The following ITPK1 variants were observed in gnomAD, a reference collection of about 807,000 sequenced individuals.
ITPK1 encodes the protein inositol-tetrakisphosphate 1-kinase.
Under a neutral mutation model 45.3 loss-of-function variants are expected in ITPK1, and 21 were observed. That is an observed-to-expected ratio of 0.46 (90% CI 0.33 to 0.67). The LOEUF (loss-of-function observed/expected upper bound fraction) is 0.67, where lower values mean the gene tolerates loss of function less well. Among genes scored for constraint, ITPK1 ranks in the 30% least tolerant of loss-of-function variants. The pLI, the probability that ITPK1 is intolerant of heterozygous loss-of-function variation, is 0.02. For missense variants in ITPK1, 474 were observed against 573.5 expected, an observed-to-expected ratio of 0.83 and a Z score of 1.77; for synonymous variants, 258 against 253.6, an observed-to-expected ratio of 1.02 and a Z score of -0.16.
Position 93,063,636 on chromosome 14 carries a change from G to A in ITPK1, c.120+12959C>T, listed in dbSNP as rs1329628012. On this transcript the variant is annotated intron_variant, in intron 3 of 10. Coordinates refer to ENST00000267615, the MANE Select transcript of ITPK1 (RefSeq NM_014216.6). The surrounding 1 kb of genome is among the most constrained non-coding windows in gnomAD (Gnocchi z 4.3). ...GCACAGCCTTGGAGGGATGGAGCTG[G>A]AACTAGGGAGGAGTCACTGGACTCT... is the stretch of plus-strand genomic sequence containing the variant. 6.6e-6 allele frequency among the ~76,000 whole-genome samples: 1 copy of A among 152,174 alleles called. No homozygotes were observed. Among genetic ancestry groups the A allele is most frequent in the African/African-American group, 2.4e-5 (1 of 41,460 alleles).
At chr14:92,973,143 C>A (rs977358961) in intron 5 of ITPK1, among the ~76,000 whole-genome samples, 1 of 152,246 alleles carries the variant, frequency 6.6e-6, no homozygotes, top group Admixed American at 6.5e-5. Flanking sequence ...TTTTCTGGCA[C>A]TGCTACCGAG....
intron 4 of ITPK1, among the ~76,000 whole-genome samples, chr14:92,995,054 C>CCCA (rs910501902): frequency 6.6e-5 from 10 of 152,082 alleles, no homozygotes; most frequent in African/African-American, 2.4e-4. Context: ...GTGGAAGGTG[C>CCCA]CCACCACCAC....
chr14:92,957,415 G>A (rs562647558), intron 8 of ITPK1, among the ~76,000 whole-genome samples: 16 of 152,288 alleles, frequency 1.1e-4, no homozygotes, highest in Admixed American at 3.3e-4. Flanking sequence ...ACATCCTTTC[G>A]AGCAGCTCCA....
chr14:93,008,319 A>G (rs1887720286), intron 4 of ITPK1, among the ~76,000 whole-genome samples: 3 of 152,230 alleles, frequency 2.0e-5, no homozygotes, highest in African/African-American at 7.2e-5. Flanking sequence ...ACTCACACTC[A>G]GATACAGCTC....
At chr14:93,030,048 C>T (rs1198581556) in intron 3 of ITPK1, among the ~76,000 whole-genome samples, 1 of 152,246 alleles carries the variant, frequency 6.6e-6, no homozygotes, top group Non-Finnish European at 1.5e-5. Context: ...GACTGCACCA[C>T]CTGGATCCCA....
rs148799380 is a variant in ITPK1 at position 93,068,145 on chromosome 14, T to C, written c.120+8450A>G. ...ACAGATGAGTAAAAATCAATTAATATTCCTTCAGCATCTCTTAGGTGTCTT... is the reference window on the plus strand; with the variant it reads ...ACAGATGAGTAAAAATCAATTAATACTCCTTCAGCATCTCTTAGGTGTCTT... On this transcript the variant is annotated intron_variant, in intron 3 of 10. Transcript: ENST00000267615. The C allele has an allele frequency of 2.6e-3, 390 of 152,746 alleles. 3 individuals carry two copies. The highest frequency in any genetic ancestry group is 8.8e-3 in the African/African-American group (365 of 41,562). 9.5% of individuals were successfully genotyped at this position (152,746 alleles called of 1,614,324 possible).
At chr14:93,046,411 C>T (rs184646431) in intron 3 of ITPK1, among the ~76,000 whole-genome samples, 22 of 152,334 alleles carry the variant, frequency 1.4e-4, no homozygotes, top group Middle Eastern at 3.4e-3. Flanking sequence ...TCCCACATGG[C>T]CCCATGTGCT....
At chr14:92,946,202 C>T in intron 10 of ITPK1, 129 bp downstream of exon 10, 2 of 1,074,596 alleles carry the variant, frequency 1.9e-6, no homozygotes, top group Non-Finnish European at 2.8e-6. Context: ...CTCGGGGCTG[C>T]ACCTCCCCGG....
chr14:93,002,274 G>A (rs955053470), intron 4 of ITPK1, among the ~76,000 whole-genome samples: 3 of 152,182 alleles, frequency 2.0e-5, no homozygotes, highest in East Asian at 1.9e-4. Context: ...CAGGAAGGTC[G>A]GGGCTCCAGT....
chr14:92,962,237 C>A (rs1361418327), intron 7 of ITPK1, 118 bp downstream of exon 7: 3 of 800,646 alleles, frequency 3.7e-6, no homozygotes, highest in Non-Finnish European at 6.7e-6. Context: ...TACCAAGGAG[C>A]CAGGACTAAC....
At chr14:92,990,065 G>A (rs73332132) in intron 5 of ITPK1, among the ~76,000 whole-genome samples, 9,276 of 152,246 alleles carry the variant, frequency 0.061, 602 homozygotes, top group African/African-American at 0.15. Context: ...CCTAAAACTC[G>A]TTCTAGCCCT....
intron 2 of ITPK1, among the ~76,000 whole-genome samples, chr14:93,090,014 G>A (rs112933972): frequency 2.0e-5 from 3 of 152,178 alleles, no homozygotes; most frequent in Non-Finnish European, 2.9e-5. Flanking sequence ...GCTCTGCGGT[G>A]CAGGCCACCA....
intron 7 of ITPK1, among the ~76,000 whole-genome samples, chr14:92,961,581 C>G (rs1296833678): frequency 6.6e-6 from 1 of 152,230 alleles, no homozygotes; most frequent in Non-Finnish European, 1.5e-5. Context: ...AGAGCCTTGT[C>G]AGAGCTAACA....
At position 93,098,729 on chromosome 14, in the gene ITPK1, G is replaced by A. The variant is rs1029391591; in HGVS notation, c.95+16340C>T. Among the ~76,000 whole-genome samples, 10 of 152,176 alleles carry A rather than the reference G, an allele frequency of 6.6e-5. No individual in the cohort carries two copies. The East Asian group carries it at 7.7e-4, about 12-fold the overall frequency. On this transcript the variant is annotated intron_variant, in intron 2 of 10. Transcript: ENST00000267615. ...AGCTTCTGCCACCTTGTGCAGCACCGAAAGGCCCATGAAGCTACTTCAGGG... is the reference window on the plus strand; with the variant it reads ...AGCTTCTGCCACCTTGTGCAGCACCAAAAGGCCCATGAAGCTACTTCAGGG...
Position 93,076,565 on chromosome 14 carries a change from A to G in ITPK1, c.120+30T>C. On this transcript the variant is annotated intron_variant, in intron 3 of 10. Coordinates refer to ENST00000267615, the MANE Select transcript of ITPK1 (RefSeq NM_014216.6). The surrounding 1 kb of genome is among the most constrained non-coding windows in gnomAD (Gnocchi z 4.3). The stretch of plus-strand genomic sequence containing the variant: ...TGGGCACCAAGGGCCCCACTACCCA[A>G]AGAACCACGGGGACGCGGTCTGTAC... 6.2e-7 allele frequency: 1 copy of G among 1,613,928 alleles called. No homozygotes were observed. Among genetic ancestry groups the G allele is most frequent in the Non-Finnish European group, 8.5e-7 (1 of 1,179,856 alleles).
intron 3 of ITPK1, among the ~76,000 whole-genome samples, chr14:93,041,198 G>T (rs1412377240): frequency 1.3e-5 from 2 of 152,196 alleles, no homozygotes; most frequent in Non-Finnish European, 2.9e-5. Flanking sequence ...ATTTCAAAGA[G>T]GCTATAAGGC....
chr14:93,109,721 T>C (rs1892667959), intron 2 of ITPK1, among the ~76,000 whole-genome samples: 1 of 152,174 alleles, frequency 6.6e-6, no homozygotes, highest in African/African-American at 2.4e-5. Context: ...AACCCCGCTG[T>C]GATGCTGAAA....
chr14:93,033,698 G>T (rs1426475158), intron 3 of ITPK1, among the ~76,000 whole-genome samples: 1 of 152,188 alleles, frequency 6.6e-6, no homozygotes, highest in Admixed American at 6.5e-5. Flanking sequence ...AGAAAGAGGC[G>T]CTAGAGAGAG....
In ITPK1 at chr14:92,952,868, A is replaced by G. The variant is rs79234958; in HGVS notation, c.671-855T>C. 3.1e-3 allele frequency among the ~76,000 whole-genome samples: 474 copies of G among 152,376 alleles called. 1 individual carries two copies. The highest frequency in any genetic ancestry group is 0.011 in the African/African-American group (446 of 41,590). On this transcript the variant is annotated intron_variant, in intron 8 of 10. Coordinates refer to ENST00000267615, the MANE Select transcript of ITPK1 (RefSeq NM_014216.6). ...AGGCACTGGGAAGCATTGGCACGCAAATGCAAGAATTGCAGAACCATGAGC... is the reference window on the plus strand; with the variant it reads ...AGGCACTGGGAAGCATTGGCACGCAGATGCAAGAATTGCAGAACCATGAGC...
Sources: gnomAD v4.1 joint callset for allele counts (sites outside exome capture counted in the v4.1 genomes callset) on GRCh38, gnomAD v4.1.1 for gene constraint, Gnocchi (gnomAD v3.1) non-coding constraint, MANE v1.5 for transcripts, NCBI Gene and HGNC (gene_info 2026-07-23, HGNC 2026-07-21) for gene names.